Variants in ICE1 observed in about 807,000 individuals in gnomAD.
ICE1 encodes the protein little elongation complex subunit 1.
In ICE1, 64 loss-of-function variants were observed where a neutral mutation model predicts 192.7. The observed-to-expected ratio is 0.33, with a 90% CI of 0.27 to 0.41. The LOEUF is 0.41. ICE1 is among the 10% of genes least tolerant of loss of function. ICE1 has a pLI of 1.00. For missense variants in ICE1, 2,708 were observed against 2,696.0 expected, an observed-to-expected ratio of 1.00 and a Z score of -0.10; for synonymous variants, 1,010 against 984.5, an observed-to-expected ratio of 1.03 and a Z score of -0.49.
At position 5,454,696 on chromosome 5, in the gene ICE1, A is replaced by G. The variant is rs565591376; in HGVS notation, c.691+58A>G. ...ATGTGAAAGTACAGAGCTTAACCATAGGCATAGCAGCCGTTACTTTTTAAT... is the reference window on the plus strand; with the variant it reads ...ATGTGAAAGTACAGAGCTTAACCATGGGCATAGCAGCCGTTACTTTTTAAT... On this transcript the variant is annotated intron_variant, in intron 11 of 18. Transcript: ENST00000296564. 3.1e-6 allele frequency: 4 copies of G among 1,278,748 alleles called. No individual in the cohort carries two copies. In the African/African-American group the frequency reaches 5.9e-5, roughly 19 times the overall value. The allele number at this position is 1,278,748 out of a possible 1,614,324, so 79.2% of individuals were successfully genotyped here. A position where few individuals can be genotyped will look rare whatever the true frequency, so the allele number is the denominator to read the frequency against.
At chr5:5,443,358 G>T (rs935539414) in intron 6 of ICE1, 114 bp downstream of exon 6, 2 of 582,834 alleles carry the variant, frequency 3.4e-6, no homozygotes. Context: ...GCCATAATTA[G>T]CTGCATGGTC....
intron 1 of ICE1, among the ~76,000 whole-genome samples, chr5:5,428,257 C>G (rs552017885): frequency 1.3e-5 from 2 of 152,084 alleles, no homozygotes; most frequent in Admixed American, 1.3e-4. Flanking sequence ...TTGCCCTGTT[C>G]CAGTCCACGC....
At chr5:5,485,034 GA>G (rs1166032873) in intron 17 of ICE1, among the ~76,000 whole-genome samples, 2 of 151,992 alleles carry the variant, frequency 1.3e-5, no homozygotes, top group African/African-American at 4.8e-5. Flanking sequence ...GAGTGTAGGG[GA>G]ATGGGGGGAA....
intron 1 of ICE1, 148 bp from the exon 2 acceptor site, chr5:5,436,270 A>G (rs1040349490): frequency 8.5e-6 from 4 of 472,578 alleles, no homozygotes; most frequent in African/African-American, 6.2e-5. Context: ...ATAGGCTCAG[A>G]TTGTGCTCTA....
rs554955313 is a variant in ICE1, at chr5:5,441,067, C to T, written c.198-45C>T. On this transcript the variant is annotated intron_variant, in intron 4 of 18. Coordinates refer to ENST00000296564, the MANE Select transcript of ICE1 (RefSeq NM_015325.3). The stretch of plus-strand genomic sequence containing the variant: ...TTATAAGCACATATATTTAATACTT[C>T]GTTATAGATCCTTTTCTGTAATAAT... 1.6e-5 allele frequency: 19 copies of T among 1,176,442 alleles called. No homozygotes were observed. In the Admixed American group the frequency reaches 1.6e-4, roughly 10 times the overall value. The allele number at this position is 1,176,442 out of a possible 1,614,324, so 72.9% of individuals were successfully genotyped here.
chr5:5,459,814 G>A (rs1008703318), intron 12 of ICE1, among the ~76,000 whole-genome samples: 1 of 152,178 alleles, frequency 6.6e-6, no homozygotes, highest in African/African-American at 2.4e-5. Flanking sequence ...AAGAGGAGAC[G>A]AGTTGGGGGT....
At chr5:5,465,397 T>C (rs1010911428) in intron 13 of ICE1, among the ~76,000 whole-genome samples, 171 bp downstream of exon 13, 3 of 152,226 alleles carry the variant, frequency 2.0e-5, no homozygotes, top group African/African-American at 7.2e-5. Flanking sequence ...TTTACAGATT[T>C]AAAATATGAT....
chr5:5,439,934 G>C (rs755942483), intron 4 of ICE1, 21 bp downstream of exon 4: 1 of 1,527,146 alleles, frequency 6.5e-7, no homozygotes, highest in East Asian at 2.4e-5. Context: ...CTGTTTCATA[G>C]TTTATGATAC....
At chr5:5,469,446 T>C (rs1739093602) in intron 15 of ICE1, among the ~76,000 whole-genome samples, 1 of 152,230 alleles carries the variant, frequency 6.6e-6, no homozygotes, top group African/African-American at 2.4e-5. Flanking sequence ...TCTTTTATTA[T>C]TATTTTCAGT....
At chr5:5,486,097 C>T (rs576607088) in intron 17 of ICE1, among the ~76,000 whole-genome samples, 79 of 152,168 alleles carry the variant, frequency 5.2e-4, no homozygotes, top group Admixed American at 8.5e-4. Flanking sequence ...CTTCCTGTGC[C>T]GTCTACAGCA....
chr5:5,480,466 T>G (rs550215532), intron 17 of ICE1, among the ~76,000 whole-genome samples: 172 of 152,206 alleles, frequency 1.1e-3, no homozygotes, highest in Non-Finnish European at 2.1e-3. Context: ...GCCAGGATGG[T>G]CTCGATCTCC....
At chr5:5,460,365 A>G in intron 12 of ICE1, 71 bp from the exon 13 acceptor site, 2 of 944,340 alleles carry the variant, frequency 2.1e-6, no homozygotes, top group Admixed American at 2.9e-5. Flanking sequence ...TTTAAAAAAT[A>G]ATGCATTTAA....
At position 5,464,769 on chromosome 5, in the gene ICE1, G is replaced by A; in HGVS notation, c.5435G>A (p.Ser1812Asn). 6.2e-7 allele frequency: 1 copy of A among 1,613,786 alleles called. No individual in the cohort carries two copies. The highest frequency in any genetic ancestry group is 8.5e-7 in the Non-Finnish European group (1 of 1,179,808). The change falls in exon 13 of 19, where the codon AGC becomes AAC. Residue 1812 changes from serine (S) to asparagine (N), a missense_variant. This residue lies in a region of ICE1 where 2,366 missense variants were observed against 2,276.6 expected (regional missense o/e 1.04). Transcript: ENST00000296564. This position sits in a 1 kb window ranked among gnomAD's most constrained non-coding sequence, Gnocchi z 4.0. ...ACTGCTTTTGTCAAAACTGGGAGCA[G>A]CTCTGGTGGTGACTGTAACCAAGAC... is the stretch of plus-strand genomic sequence containing the variant. ...AATAFVKTGS[S>N]SGGDCNQDKS...
intron 5 of ICE1, among the ~76,000 whole-genome samples, chr5:5,441,645 A>G (rs908724821): frequency 3.3e-5 from 5 of 152,188 alleles, no homozygotes; most frequent in African/African-American, 1.2e-4. Context: ...GCTCTGGCCT[A>G]TCTTTGGAGA....
chr5:5,443,731 T>C (rs1160666234), intron 6 of ICE1, among the ~76,000 whole-genome samples: 2 of 152,206 alleles, frequency 1.3e-5, no homozygotes, highest in Non-Finnish European at 2.9e-5. Flanking sequence ...CCCTTGATCA[T>C]TGAGGTTCAT....
At chr5:5,431,009 G>A (rs529157875) in intron 1 of ICE1, among the ~76,000 whole-genome samples, 7 of 152,196 alleles carry the variant, frequency 4.6e-5, no homozygotes, top group African/African-American at 1.7e-4. Context: ...TTCTCCATCT[G>A]TAAAACTGAT....
chr5:5,452,405 A>G (rs1471762332), intron 10 of ICE1, among the ~76,000 whole-genome samples: 3 of 152,052 alleles, frequency 2.0e-5, no homozygotes, highest in Admixed American at 6.6e-5. Context: ...TAGAAAAGGA[A>G]TGGAATAAGA....
intron 7 of ICE1, among the ~76,000 whole-genome samples, chr5:5,445,406 A>G (rs372694306): frequency 6.6e-6 from 1 of 152,062 alleles, no homozygotes; most frequent in Non-Finnish European, 1.5e-5. Context: ...AAATTTTTTT[A>G]ATTTTTAAAC....
Position 5,462,609 on chromosome 5 carries a change from G to A in ICE1, c.3275G>A (p.Gly1092Asp), listed in dbSNP as rs754538024. 96 of 1,613,818 alleles carry A rather than the reference G, an allele frequency of 5.9e-5. No homozygotes were observed. The highest frequency in any genetic ancestry group is 7.8e-5 in the Non-Finnish European group (92 of 1,179,888). ...TQDTSQSSLP[G>D]TLHCYTGIRE... ...GATACCTCCCAAAGTAGCCTGCCTG[G>A]TACCTTACATTGTTACACAGGCATT... The change falls in exon 13 of 19, where the codon GGT (glycine) becomes GAT (aspartate). Residue 1092 changes from glycine to aspartate, a missense_variant. Physicochemically the swap from Gly to Asp is moderately conservative, Grantham distance 94. Transcript: ENST00000296564.
Sources: allele counts gnomAD v4.1 joint callset (sites outside exome capture counted in the v4.1 genomes callset), GRCh38; gene constraint gnomAD v4.1.1; regional missense constraint gnomAD v4.1.1; non-coding constraint Gnocchi (gnomAD v3.1); transcripts MANE v1.5; gene names NCBI Gene and HGNC (gene_info 2026-07-23, HGNC 2026-07-21).